Variants in VPS37D observed in about 807,000 individuals in gnomAD.
VPS37D encodes vacuolar protein sorting-associated protein 37D.
In VPS37D, 5 loss-of-function variants were observed where a neutral mutation model predicts 22.0. The ratio of observed to expected loss-of-function variants is 0.23; its 90% confidence interval spans 0.12 to 0.48. The LOEUF (loss-of-function observed/expected upper bound fraction) is 0.48, where lower values mean the gene tolerates loss of function less well. Among genes scored for constraint, VPS37D ranks in the 20% least tolerant of loss-of-function variants. VPS37D has a pLI of 0.99. For synonymous variants in VPS37D, 174 were observed against 159.3 expected, an observed-to-expected ratio of 1.09 and a Z score of -0.69; for missense variants, 384 against 345.8, an observed-to-expected ratio of 1.11 and a Z score of -0.88.
chr7:73,667,604 A>G (rs1554608880), upstream of VPS37D, among the ~76,000 whole-genome samples: 1 of 152,072 alleles, frequency 6.6e-6, no homozygotes. Context: ...GGGGTGGGAG[A>G]GTCCGTGCCT....
At chr7:73,669,661 G>C in intron 2 of VPS37D, 71 bp downstream of exon 2, 1 of 1,442,010 alleles carries the variant, frequency 6.9e-7, no homozygotes, top group Non-Finnish European at 9.3e-7. Flanking sequence ...TTGGCCTTGG[G>C]AAGTGCCAGG....
At position 73,671,002 on chromosome 7, in the gene VPS37D, C is replaced by G. The variant is rs782447784; in HGVS notation, c.394-12C>G. ...GTGCCTCTCCCAAGCCTTCCCTTCC[C>G]TCCCGGCCCAGGAGCAGATGGAGCA... On this transcript the variant is annotated splice_polypyrimidine_tract_variant and intron_variant, in intron 3 of 3. Transcript: ENST00000324941. 1.2e-6 allele frequency: 2 copies of G among 1,610,330 alleles called. No individual in the cohort carries two copies. Among genetic ancestry groups the G allele is most frequent in the Non-Finnish European group, 1.7e-6 (2 of 1,178,282 alleles).
At chr7:73,667,003 C>T (rs1365805567), upstream of VPS37D, among the ~76,000 whole-genome samples, 3 of 135,520 alleles carry the variant, frequency 2.2e-5, no homozygotes, top group African/African-American at 5.4e-5. Context: ...GACGGAGTCT[C>T]GCTCTGTCAC....
At position 73,668,159 on chromosome 7, in the gene VPS37D, T is replaced by C. The variant is rs1181342231; in HGVS notation, c.138+63T>C. On this transcript the variant is annotated intron_variant, in intron 1 of 3. Coordinates refer to ENST00000324941, the MANE Select transcript of VPS37D (RefSeq NM_001077621.2). ...GGCAGCGGCCTGCGGGACCTGCCGCTCGAGGGAAGGGCCGCGCGGGCCGGG... is the reference window on the plus strand; with the variant it reads ...GGCAGCGGCCTGCGGGACCTGCCGCCCGAGGGAAGGGCCGCGCGGGCCGGG... 15 of 999,514 alleles carry C rather than the reference T, an allele frequency of 1.5e-5. No homozygotes were observed. In the African/African-American group the frequency reaches 2.5e-4, roughly 17 times the overall value. The allele number at this position is 999,514 out of a possible 1,614,324, so 61.9% of individuals were successfully genotyped here. A position where few individuals can be genotyped will look rare whatever the true frequency, so the allele number is the denominator to read the frequency against.
chr7:73,665,855 CGTT>C (rs1402920710), upstream of VPS37D, among the ~76,000 whole-genome samples: 2 of 152,080 alleles, frequency 1.3e-5, no homozygotes, highest in African/African-American at 2.4e-5. Flanking sequence ...GCTCAGTTGT[CGTT>C]GTTGTTTTTT....
upstream of VPS37D, chr7:73,667,780 A>AGCCCCGGC (rs1228355110): frequency 3.8e-5 from 6 of 157,350 alleles, no homozygotes; most frequent in African/African-American, 1.5e-4. Context: ...CCCCACCCCC[A>AGCCCCGGC]GCCCCGGCGC....
chr7:73,668,026 G>T lies in VPS37D; in HGVS notation c.68G>T (p.Ser23Ile). The T allele has an allele frequency of 8.6e-7, 1 of 1,156,736 alleles. No individual in the cohort carries two copies. 71.7% of individuals were successfully genotyped at this position (1,156,736 alleles called of 1,614,324 possible). The stretch of plus-strand genomic sequence containing the variant: ...AGCCCGGGGCGCTTTGGGATCCTCA[G>T]CACCGGGCAGCTCCGGGACCTGCTT... ...PGSPGRFGIL[S>I]TGQLRDLLQD... Residue 23 changes from serine (S) to isoleucine (I), a missense_variant, in exon 1 of 4, where the codon AGC becomes ATC. Physicochemically the swap from Ser to Ile is moderately radical, Grantham distance 142 (BLOSUM62 -2). Transcript: ENST00000324941.
At chr7:73,666,695 G>A (rs539614219), upstream of VPS37D, among the ~76,000 whole-genome samples, 4 of 152,164 alleles carry the variant, frequency 2.6e-5, no homozygotes, top group South Asian at 8.3e-4. Flanking sequence ...TACCGTGCCC[G>A]GCCTCTGTGA....
rs766152516 is a variant in VPS37D at position 73,671,163 on chromosome 7, G to A, written c.543G>A (p.Pro181=). The A allele has an allele frequency of 1.4e-5, 23 of 1,605,190 alleles. No homozygotes were observed. In the East Asian group the frequency reaches 3.4e-4, roughly 23 times the overall value. ...LLRRRERSAQ[P]APTSAADPPK... Reference sequence around the variant, plus strand: ...GGCGTCGGGAGCGTTCTGCCCAGCCGGCCCCCACCTCGGCTGCTGATCCCC... The same window carrying A: ...GGCGTCGGGAGCGTTCTGCCCAGCCAGCCCCCACCTCGGCTGCTGATCCCC... Residue 181 remains proline, a synonymous_variant, in exon 4 of 4, where the codon CCG becomes CCA. Coordinates refer to ENST00000324941, the MANE Select transcript of VPS37D (RefSeq NM_001077621.2).
chr7:73,670,146 C>G, intron 3 of VPS37D, 44 bp downstream of exon 3: 1 of 1,549,076 alleles, frequency 6.5e-7, no homozygotes, highest in Non-Finnish European at 8.7e-7. Flanking sequence ...GAGGGAGACC[C>G]ATTCTCTGCC....
chr7:73,667,097 C>A (rs991885108), upstream of VPS37D, among the ~76,000 whole-genome samples: 2 of 151,360 alleles, frequency 1.3e-5, no homozygotes, highest in African/African-American at 4.9e-5. Flanking sequence ...CTCAGCCTCG[C>A]GAGTAGCTGG....
intron 3 of VPS37D, 117 bp from the exon 4 acceptor site, chr7:73,670,896 CT>C: frequency 7.0e-7 from 1 of 1,423,962 alleles, no homozygotes; most frequent in Non-Finnish European, 9.3e-7. Context: ...CGCAGGTCCC[CT>C]GTCCCCCAGC....
At position 73,671,243 on chromosome 7, in the gene VPS37D, C is replaced by T; in HGVS notation, c.623C>T (p.Pro208Leu). Residue 208 changes from proline (P) to leucine (L), a missense_variant, in exon 4 of 4, where the codon CCA becomes CTA. Transcript: ENST00000324941. ...VLPTGAARGPPAVPRSLPPLD... is the reference protein window; with the variant it reads ...VLPTGAARGPLAVPRSLPPLD... ...CCCACTGGGGCCGCCCGGGGGCCACCAGCAGTGCCCCGGAGCCTGCCCCCC... is the reference window on the plus strand; with the variant it reads ...CCCACTGGGGCCGCCCGGGGGCCACTAGCAGTGCCCCGGAGCCTGCCCCCC... 1.3e-5 allele frequency: 20 copies of T among 1,538,396 alleles called. No homozygotes were observed. Among genetic ancestry groups the T allele is most frequent in the Non-Finnish European group, 1.7e-5 (19 of 1,145,104 alleles).
In VPS37D at chr7:73,671,155, G is replaced by A; in HGVS notation, c.535G>A (p.Ala179Thr). The A allele has an allele frequency of 1.2e-6, 2 of 1,605,580 alleles. No individual in the cohort carries two copies. The highest frequency in any genetic ancestry group is 1.7e-6 in the Non-Finnish European group (2 of 1,178,342). The change falls in exon 4 of 4, where the codon GCC (alanine) becomes ACC (threonine). Residue 179 changes from alanine to threonine, a missense_variant. Physicochemically the swap from Ala to Thr is moderately conservative, Grantham distance 58. Coordinates refer to ENST00000324941, the MANE Select transcript of VPS37D (RefSeq NM_001077621.2). ...QELLRRRERSAQPAPTSAADP... is the reference protein window; with the variant it reads ...QELLRRRERSTQPAPTSAADP... ...GCTGCTGCGGCGTCGGGAGCGTTCT[G>A]CCCAGCCGGCCCCCACCTCGGCTGC...
In VPS37D at chr7:73,671,337, G is replaced by A. The variant is rs1554609762; in HGVS notation, c.717G>A (p.Leu239=). The change falls in exon 4 of 4, where the codon CTG becomes CTA. Residue 239 remains leucine (L), a synonymous_variant. Coordinates refer to ENST00000324941, the MANE Select transcript of VPS37D (RefSeq NM_001077621.2). ...GCCCCCTCGGCCCGGCCCCCCTGCT[G>A]AGCCCTCGGCCCTCGCAGCCAGAGC... ...PGCPLGPAPL[L]SPRPSQPEPP... 7.2e-7 allele frequency: 1 copy of A among 1,383,906 alleles called. No individual in the cohort carries two copies. Among genetic ancestry groups the A allele is most frequent in the Non-Finnish European group, 9.3e-7 (1 of 1,069,788 alleles). The allele number at this position is 1,383,906 out of a possible 1,614,324, so 85.7% of individuals were successfully genotyped here.
chr7:73,667,894 G>A lies in VPS37D; in HGVS notation c.-65G>A. The A allele has an allele frequency of 3.5e-6, 2 of 566,436 alleles. No individual in the cohort carries two copies. The highest frequency in any genetic ancestry group is 4.5e-6 in the Non-Finnish European group (2 of 446,502). The allele number at this position is 566,436 out of a possible 1,614,324, so 35.1% of individuals were successfully genotyped here. The stretch of plus-strand genomic sequence containing the variant: ...AGCCGGAGCGGAGCGGAGCGGAGCG[G>A]AGCCGGGGCGGAGCGGGCCGAGCGG... On this transcript the variant is annotated 5_prime_UTR_variant, in exon 1 of 4. Transcript: ENST00000324941.
At chr7:73,668,490 T>G (rs1584193441) in intron 1 of VPS37D, among the ~76,000 whole-genome samples, 1 of 146,896 alleles carries the variant, frequency 6.8e-6, no homozygotes, top group Non-Finnish European at 1.5e-5. Context: ...GGAGGGGCCG[T>G]TGGGGGTTCA....
intron 1 of VPS37D, among the ~76,000 whole-genome samples, chr7:73,668,581 C>A (rs1208305824): frequency 6.6e-6 from 1 of 151,826 alleles, no homozygotes; most frequent in East Asian, 1.9e-4. Flanking sequence ...ATTGCATAGG[C>A]CACCGTAAGA....
chr7:73,666,854 C>A (rs891864096), upstream of VPS37D, among the ~76,000 whole-genome samples: 2 of 151,532 alleles, frequency 1.3e-5, no homozygotes, highest in African/African-American at 4.9e-5. Context: ...GGTCTCAAAA[C>A]TGAGCTCAAG....
Sources: allele counts gnomAD v4.1 joint callset (sites outside exome capture counted in the v4.1 genomes callset), GRCh38; gene constraint gnomAD v4.1.1; transcripts MANE v1.5; gene names NCBI Gene and HGNC (gene_info 2026-07-23, HGNC 2026-07-21).